Variants in PLPPR1 observed in about 807,000 individuals in gnomAD.
The protein encoded by PLPPR1 is phospholipid phosphatase related 1.
Under a neutral mutation model 33.1 loss-of-function variants are expected in PLPPR1, and 10 were observed. That is an observed-to-expected ratio of 0.30 (90% CI 0.19 to 0.51). PLPPR1 has a LOEUF of 0.51. PLPPR1 is among the 20% of genes least tolerant of loss of function. The pLI, the probability that PLPPR1 is intolerant of heterozygous loss-of-function variation, is 0.97. For synonymous variants in PLPPR1, 151 were observed against 151.0 expected (o/e 1.00, Z 0.00); for missense variants, 304 against 408.1 (o/e 0.74, Z 2.20).
intron 1 of PLPPR1, among the ~76,000 whole-genome samples, chr9:101,160,252 G>T (rs1457192427): frequency 6.6e-6 from 1 of 152,120 alleles, no homozygotes; most frequent in Non-Finnish European, 1.5e-5. Flanking sequence ...TTCCTTAGTT[G>T]CTTCATGATA....
At chr9:101,148,964 T>G (rs1398913997) in intron 1 of PLPPR1, among the ~76,000 whole-genome samples, 1 of 152,174 alleles carries the variant, frequency 6.6e-6, no homozygotes, top group Non-Finnish European at 1.5e-5. Context: ...AGCACTCTCT[T>G]CCCCATCCTT....
intron 3 of PLPPR1, among the ~76,000 whole-genome samples, chr9:101,272,744 T>C (rs1415340685): frequency 6.6e-6 from 1 of 152,208 alleles, no homozygotes; most frequent in Non-Finnish European, 1.5e-5. Context: ...ACAGCATTTT[T>C]CTCATATAAA....
chr9:101,199,426 G>A (rs915443512), intron 2 of PLPPR1, among the ~76,000 whole-genome samples: 3 of 152,088 alleles, frequency 2.0e-5, no homozygotes, highest in Non-Finnish European at 2.9e-5. Context: ...TTTATTCTCT[G>A]TCCTAATGTC....
At chr9:101,039,301 C>G (rs1378185542) in intron 1 of PLPPR1, among the ~76,000 whole-genome samples, 2 of 152,062 alleles carry the variant, frequency 1.3e-5, no homozygotes, top group Non-Finnish European at 2.9e-5. Flanking sequence ...AGTCTCAGAT[C>G]TTTTATCTGT....
At chr9:101,188,623 A>G (rs1826244465) in intron 2 of PLPPR1, among the ~76,000 whole-genome samples, 1 of 152,120 alleles carries the variant, frequency 6.6e-6, no homozygotes, top group African/African-American at 2.4e-5. Flanking sequence ...TGAATTATGA[A>G]TAAACGTGGA....
At chr9:101,109,825 A>T (rs1394376908) in intron 1 of PLPPR1, among the ~76,000 whole-genome samples, 3 of 152,166 alleles carry the variant, frequency 2.0e-5, no homozygotes, top group Non-Finnish European at 4.4e-5. Context: ...TTTTCCTCAT[A>T]ATCAACTAGC....
chr9:101,109,059 C>T (rs577915720), intron 1 of PLPPR1, among the ~76,000 whole-genome samples: 40 of 149,624 alleles, frequency 2.7e-4, no homozygotes, highest in African/African-American at 8.8e-4. Flanking sequence ...TCCGGATTGA[C>T]GCCATTCTCC....
intron 1 of PLPPR1, among the ~76,000 whole-genome samples, chr9:101,148,759 A>C (rs1831550086): frequency 6.6e-6 from 1 of 152,086 alleles, no homozygotes. Context: ...ACCCAGTCCC[A>C]CAGAGACTCA....
At chr9:101,132,744 C>G (rs1219500311) in intron 1 of PLPPR1, among the ~76,000 whole-genome samples, 1 of 152,188 alleles carries the variant, frequency 6.6e-6, no homozygotes, top group Non-Finnish European at 1.5e-5. Context: ...GGGGAAGGCT[C>G]TGCATATGTA....
At chr9:101,086,526 C>G (rs1321041826) in intron 1 of PLPPR1, among the ~76,000 whole-genome samples, 1 of 152,130 alleles carries the variant, frequency 6.6e-6, no homozygotes, top group Non-Finnish European at 1.5e-5. Flanking sequence ...TGTGAAGATG[C>G]TTATATCTGG....
chr9:101,207,991 C>G (rs562156221), intron 2 of PLPPR1, among the ~76,000 whole-genome samples: 13 of 152,150 alleles, frequency 8.5e-5, no homozygotes, highest in African/African-American at 3.1e-4. Context: ...CTGATGCCTC[C>G]TGCAAAGTTG....
chr9:101,318,933 T>C (rs1161530969), intron 7 of PLPPR1, among the ~76,000 whole-genome samples: 5 of 152,184 alleles, frequency 3.3e-5, no homozygotes, highest in African/African-American at 1.2e-4. Flanking sequence ...TAGCATGTCA[T>C]CTTTTTCGGG....
intron 1 of PLPPR1, among the ~76,000 whole-genome samples, chr9:101,171,057 C>G (rs1435575467): frequency 6.6e-6 from 1 of 152,164 alleles, no homozygotes; most frequent in African/African-American, 2.4e-5. Flanking sequence ...AACCCCAAGA[C>G]AGCAATGACT....
At chr9:101,313,583 G>A (rs1179929848) in intron 6 of PLPPR1, among the ~76,000 whole-genome samples, 2 of 152,148 alleles carry the variant, frequency 1.3e-5, no homozygotes, top group Non-Finnish European at 2.9e-5. Flanking sequence ...CTGGAGAAGA[G>A]TTTTGGTTAA....
chr9:101,213,491 C>T (rs907486877), intron 2 of PLPPR1, among the ~76,000 whole-genome samples: 3 of 151,804 alleles, frequency 2.0e-5, no homozygotes, highest in Admixed American at 2.0e-4. Context: ...AATACATTAC[C>T]TTTCTGTCAT....
chr9:101,239,239 G>A (rs991699746), intron 2 of PLPPR1, among the ~76,000 whole-genome samples: 3 of 151,950 alleles, frequency 2.0e-5, no homozygotes, highest in African/African-American at 7.2e-5. Flanking sequence ...ATACCCAGTA[G>A]TGGGATGGCT....
intron 1 of PLPPR1, among the ~76,000 whole-genome samples, chr9:101,086,463 AC>A (rs146064111): frequency 0.053 from 8,089 of 152,206 alleles, 384 homozygotes; most frequent in African/African-American, 0.12. Context: ...AATGTGGTCT[AC>A]CCCATGAAGG....
At chr9:101,235,614 G>C (rs958404202) in intron 2 of PLPPR1, among the ~76,000 whole-genome samples, 1 of 151,750 alleles carries the variant, frequency 6.6e-6, no homozygotes, top group Non-Finnish European at 1.5e-5. Context: ...TATCTGCTTT[G>C]ACTTGTTGAT....
At chr9:101,216,644 AATGG>A (rs1826801330) in intron 2 of PLPPR1, among the ~76,000 whole-genome samples, 1 of 152,248 alleles carries the variant, frequency 6.6e-6, no homozygotes, top group South Asian at 2.1e-4. Flanking sequence ...ATCTGCCCTT[AATGG>A]CACTTAAGGT....
Sources: gnomAD v4.1 joint callset for allele counts (sites outside exome capture counted in the v4.1 genomes callset) on GRCh38, gnomAD v4.1.1 for gene constraint, MANE v1.5 for transcripts, NCBI Gene and HGNC (gene_info 2026-07-23, HGNC 2026-07-21) for gene names.